Variants in MBD5 observed in about 807,000 individuals in gnomAD.
MBD5 encodes methyl-CpG-binding domain protein 5.
Under a neutral mutation model 117.3 loss-of-function variants are expected in MBD5, and 13 were observed. The observed-to-expected ratio is 0.11, with a 90% confidence interval of 0.07 to 0.18. MBD5 has a LOEUF of 0.18. Ranked by LOEUF, MBD5 falls within the 10% of genes least tolerant of loss-of-function variation. MBD5 has a pLI of 1.00. For missense variants in MBD5, 1,879 were observed against 2,093.8 expected (o/e 0.90, Z 2.00); for synonymous variants, 727 against 766.4 (o/e 0.95, Z 0.85).
intron 3 of MBD5, among the ~76,000 whole-genome samples, chr2:148,302,957 C>A (rs1350619170): frequency 2.7e-5 from 4 of 149,184 alleles, no homozygotes; most frequent in Admixed American, 1.3e-4. Flanking sequence ...ATCATATATA[C>A]ATTATATGTT....
At chr2:148,294,513 T>TTGTTTTTGTTTTTTTTTGTTTGTTTG (rs1387426588) in intron 3 of MBD5, among the ~76,000 whole-genome samples, 1 of 139,848 alleles carries the variant, frequency 7.2e-6, no homozygotes, top group Non-Finnish European at 1.5e-5. Flanking sequence ...TTTTTTTTTT[T>TTGTTTTTGTTTTTTTTTGTTTGTTTG]TTTTTTTTGA....
intron 3 of MBD5, among the ~76,000 whole-genome samples, chr2:148,289,954 CTTTTT>C (rs70995304): frequency 5.0e-5 from 5 of 99,236 alleles, no homozygotes; most frequent in Non-Finnish European, 2.1e-5. Flanking sequence ...CATGTATTAC[CTTTTT>C]TTTTTTTTTT....
intron 4 of MBD5, chr2:148,393,226 A>G (rs1313108796): frequency 6.6e-6 from 1 of 152,116 alleles, no homozygotes; most frequent in Non-Finnish European, 1.5e-5. Flanking sequence ...GAGAATTGAG[A>G]AGTTTGGCAA....
chr2:148,199,877 G>A (rs986300607), intron 2 of MBD5, among the ~76,000 whole-genome samples: 9 of 151,866 alleles, frequency 5.9e-5, no homozygotes, highest in African/African-American at 9.7e-5. Flanking sequence ...TATCATATGC[G>A]GTATACAAAG....
chr2:148,142,593 A>G (rs564770557), intron 1 of MBD5, among the ~76,000 whole-genome samples: 98 of 152,302 alleles, frequency 6.4e-4, no homozygotes, highest in African/African-American at 2.3e-3. Context: ...ATTCAGTGAG[A>G]TAAACAAGTA....
At chr2:148,420,697 A>ATGTTTTGTTTTGTTT (rs3076613) in intron 4 of MBD5, among the ~76,000 whole-genome samples, 49 of 147,490 alleles carry the variant, frequency 3.3e-4, no homozygotes, top group South Asian at 8.8e-4. Context: ...CTGATAAGTC[A>ATGTTTTGTTTTGTTT]TGTTTTGTTT....
chr2:148,199,579 G>C (rs1252286634), intron 2 of MBD5, among the ~76,000 whole-genome samples: 1 of 152,004 alleles, frequency 6.6e-6, no homozygotes, highest in South Asian at 2.1e-4. Flanking sequence ...ACCAGCCTGG[G>C]CATGATGGTG....
At chr2:148,414,805 A>T (rs572000037) in intron 4 of MBD5, among the ~76,000 whole-genome samples, 2 of 151,948 alleles carry the variant, frequency 1.3e-5, no homozygotes, top group Admixed American at 6.6e-5. Flanking sequence ...CTGTTTTCTA[A>T]TATCTTGGTA....
At chr2:148,368,256 C>T (rs1021823205) in intron 4 of MBD5, among the ~76,000 whole-genome samples, 1 of 152,038 alleles carries the variant, frequency 6.6e-6, no homozygotes, top group Non-Finnish European at 1.5e-5. Context: ...TGTTCTCACT[C>T]ATAAGTGGGA....
intron 3 of MBD5, among the ~76,000 whole-genome samples, chr2:148,258,558 A>G (rs553251660): frequency 6.6e-6 from 1 of 152,228 alleles, no homozygotes; most frequent in Non-Finnish European, 1.5e-5. Context: ...TCCCTAATGA[A>G]ACAGAAACAG....
In MBD5 at chr2:148,145,002, G is replaced by A. The variant is rs938643086; in HGVS notation, c.-924-33698G>A. Among the ~76,000 whole-genome samples, 3 of 152,196 alleles carry A rather than the reference G, an allele frequency of 2.0e-5. No homozygotes were observed. The East Asian group carries it at 5.8e-4, about 29-fold the overall frequency. On this transcript the variant is annotated intron_variant, in intron 1 of 13. Transcript: ENST00000642680. ...CTGTGAAGAAAGTCATTGGTAGCTT[G>A]ATGGGGATGGCATCGAATCTATAAA...
chr2:148,374,139 T>C (rs58176334), intron 4 of MBD5, among the ~76,000 whole-genome samples: 1,928 of 152,122 alleles, frequency 0.013, 52 homozygotes, highest in African/African-American at 0.044. Context: ...TGGGTTGTAG[T>C]GACTTACTAG....
intron 1 of MBD5, among the ~76,000 whole-genome samples, chr2:148,040,342 A>AG (rs1166041051): frequency 6.6e-6 from 1 of 152,094 alleles, no homozygotes; most frequent in Non-Finnish European, 1.5e-5. Flanking sequence ...TTCATAAAAA[A>AG]ATCCCTGCAA....
In MBD5 at chr2:148,480,363, A is replaced by G. The variant is rs1448346323; in HGVS notation, c.2519-2747A>G. On this transcript the variant is annotated intron_variant, in intron 8 of 13. Transcript: ENST00000642680. ...TTGCAAAATAAAGATTAAAATTATA[A>G]TAATCTCTAAGGAAAGCCTTCATCT... Among the ~76,000 whole-genome samples the G allele has an allele frequency of 2.6e-5, 4 of 152,122 alleles. No individual in the cohort carries two copies. In the East Asian group the frequency reaches 7.7e-4, roughly 29 times the overall value.
chr2:148,469,174 A>G lies in MBD5; in HGVS notation c.1231A>G (p.Thr411Ala). 6.2e-7 allele frequency: 1 copy of G among 1,614,030 alleles called. No homozygotes were observed. Among genetic ancestry groups the G allele is most frequent in the Non-Finnish European group, 8.5e-7 (1 of 1,179,970 alleles). ...TTTGCCAAGTAATCTCCCATTGCCA[A>G]CTGTAAAACCTGGTCACATGAATCA... ...VPLPSNLPLP[T>A]VKPGHMNHGS... Residue 411 changes from threonine to alanine, a missense_variant, in exon 8 of 14, where the codon ACT (threonine) becomes GCT (alanine). By Grantham distance (58) the Thr-to-Ala change is moderately conservative. This residue lies in a region of MBD5 where 1,666 missense variants were observed against 1,792.2 expected (regional missense o/e 0.93). Transcript: ENST00000642680.
intron 11 of MBD5, among the ~76,000 whole-genome samples, chr2:148,495,295 T>C (rs1681666615): frequency 1.3e-5 from 2 of 152,234 alleles, no homozygotes; most frequent in South Asian, 4.1e-4. Context: ...TCAATAACTA[T>C]TTAAATTTAA....
At chr2:148,333,734 T>C (rs1437255907) in intron 3 of MBD5, among the ~76,000 whole-genome samples, 1 of 151,924 alleles carries the variant, frequency 6.6e-6, no homozygotes, top group East Asian at 1.9e-4. Context: ...GGCATGTGTC[T>C]TTGGTCCCAG....
chr2:148,178,985 A>G (rs1698452523), intron 2 of MBD5, among the ~76,000 whole-genome samples, 192 bp downstream of exon 2: 1 of 152,212 alleles, frequency 6.6e-6, no homozygotes, highest in African/African-American at 2.4e-5. Context: ...ATCAGATTTC[A>G]TTTGTAATAA....
intron 1 of MBD5, among the ~76,000 whole-genome samples, chr2:148,028,867 A>G (rs1412220170): frequency 1.3e-5 from 2 of 152,086 alleles, no homozygotes; most frequent in Non-Finnish European, 2.9e-5. Flanking sequence ...TTATTCCAAA[A>G]TCATTTTCCT....
Sources: gnomAD v4.1 joint callset for allele counts (sites outside exome capture counted in the v4.1 genomes callset) on GRCh38, gnomAD v4.1.1 for gene constraint, gnomAD v4.1.1 regional missense constraint, MANE v1.5 for transcripts, NCBI Gene and HGNC (gene_info 2026-07-23, HGNC 2026-07-21) for gene names.